Variants in SYNE1 observed in about 807,000 individuals in gnomAD.
The protein encoded by SYNE1 is nesprin-1.
SYNE1 carries 616 observed loss-of-function variants against 1,111.0 expected under a neutral mutation model. That is an observed-to-expected ratio of 0.55 (90% CI 0.52 to 0.59). The LOEUF (loss-of-function observed/expected upper bound fraction) is 0.59, where lower values mean the gene tolerates loss of function less well. Ranked by LOEUF, SYNE1 falls within the 20% of genes least tolerant of loss-of-function variation. The pLI is 0.00. For synonymous variants in SYNE1, 3,855 were observed against 3,825.8 expected (o/e 1.01, Z -0.28); for missense variants, 10,006 against 10,417.0 (o/e 0.96, Z 1.72).
In SYNE1 at chr6:152,208,992, C is replaced by A. The variant is rs2077035983; in HGVS notation, c.22590-786G>T. ...TGGCTTTAAAAAAATATAGGTAGTT[C>A]TTTATTACGTTTTATTTAATATTTA... On this transcript the variant is annotated intron_variant, in intron 124 of 145. Transcript: ENST00000367255. Among the ~76,000 whole-genome samples the A allele has an allele frequency of 2.0e-5, 3 of 152,002 alleles. 1 individual carries two copies. The South Asian group carries it at 6.2e-4, about 32-fold the overall frequency.
intron 44 of SYNE1, 108 bp downstream of exon 44, chr6:152,408,955 CAAAAA>C: frequency 3.5e-5 from 31 of 887,850 alleles, no homozygotes; most frequent in Admixed American, 5.8e-5. Context: ...ACTCTGTCTC[CAAAAA>C]AAAAAAAAAA....
chr6:152,124,963 C>G (rs1459765901), intron 145 of SYNE1, among the ~76,000 whole-genome samples: 1 of 152,124 alleles, frequency 6.6e-6, no homozygotes, highest in African/African-American at 2.4e-5. Context: ...CAGTCCTCTG[C>G]GGTGTGTACT....
At chr6:152,130,657 TGG>T (rs2055298205) in intron 145 of SYNE1, 61 bp downstream of exon 145, 4 of 1,581,878 alleles carry the variant, frequency 2.5e-6, no homozygotes, top group Non-Finnish European at 3.5e-6. Context: ...ACCTAAGTCA[TGG>T]ACAATTTTCA....
intron 3 of SYNE1, among the ~76,000 whole-genome samples, chr6:152,616,760 A>G (rs2099653160): frequency 6.6e-6 from 1 of 152,114 alleles, no homozygotes; most frequent in South Asian, 2.1e-4. Context: ...CCTCTTCTGC[A>G]ATGACCCTAA....
intron 98 of SYNE1, among the ~76,000 whole-genome samples, chr6:152,274,750 C>G (rs950611996): frequency 6.6e-6 from 1 of 152,108 alleles, no homozygotes; most frequent in African/African-American, 2.4e-5. Context: ...GTTCCCACCA[C>G]CACACCTGGC....
At chr6:152,166,791 T>G (rs17082273) in intron 130 of SYNE1, among the ~76,000 whole-genome samples, 14,221 of 152,286 alleles carry the variant, frequency 0.093, 853 homozygotes, top group South Asian at 0.15. Flanking sequence ...AATAGCAAAA[T>G]ACAGTGTGCA....
intron 6 of SYNE1, among the ~76,000 whole-genome samples, chr6:152,513,155 C>A (rs960264084): frequency 6.6e-6 from 1 of 152,094 alleles, no homozygotes; most frequent in Admixed American, 6.5e-5. Flanking sequence ...TGGACTAGAC[C>A]ATTGTACCTG....
intron 3 of SYNE1, among the ~76,000 whole-genome samples, chr6:152,611,119 T>A (rs61687760): frequency 0.01 from 1,568 of 152,296 alleles, 24 homozygotes; most frequent in African/African-American, 0.036. Context: ...AACATCATAA[T>A]GACATGATCA....
chr6:152,378,730 T>G (rs936332235), intron 56 of SYNE1, among the ~76,000 whole-genome samples: 2 of 152,142 alleles, frequency 1.3e-5, no homozygotes, highest in African/African-American at 4.8e-5. Flanking sequence ...TAACAACTCC[T>G]TTAAGTACCC....
chr6:152,622,912 A>G (rs1565254345), intron 3 of SYNE1, among the ~76,000 whole-genome samples: 1 of 152,064 alleles, frequency 6.6e-6, no homozygotes, highest in East Asian at 1.9e-4. Flanking sequence ...TTTTCTCCAC[A>G]AGCTCGCCAA....
rs764777256 is a variant in SYNE1 at position 152,428,363 on chromosome 6, GCTCAGTGACTCCAGGGCCTGGCAGA to G, written c.4793_4817del (p.Leu1598ProfsTer15). On this transcript the variant is annotated frameshift_variant, in exon 37 of 146. Transcript: ENST00000367255. LOFTEE classifies it high-confidence loss of function. ...TGGCTGAGAAGGCAGTGATCGCGCT[GCTCAGTGACTCCAGGGCCTGGCAGA>G]GATCCTAAGAAGAGTGCGAGAAGAA... The G allele has an allele frequency of 1.2e-6, 2 of 1,613,952 alleles. No individual in the cohort carries two copies. The highest frequency in any genetic ancestry group is 2.2e-5 in the South Asian group (2 of 91,070).
intron 136 of SYNE1, among the ~76,000 whole-genome samples, chr6:152,149,145 C>A (rs1274785447): frequency 6.6e-6 from 1 of 152,290 alleles, no homozygotes; most frequent in Non-Finnish European, 1.5e-5. Context: ...TTTCTGCGAT[C>A]AAAAGATTCT....
At chr6:152,167,289 T>C (rs145274940) in intron 130 of SYNE1, among the ~76,000 whole-genome samples, 8 of 152,314 alleles carry the variant, frequency 5.3e-5, no homozygotes, top group Admixed American at 3.3e-4. Context: ...TATATCTATA[T>C]ATATTGTATC....
intron 22 of SYNE1, chr6:152,456,673 C>T: frequency 2.2e-6 from 1 of 444,958 alleles, no homozygotes; most frequent in South Asian, 1.6e-5. Context: ...CTTACAGACA[C>T]CTCCACCTCT....
intron 131 of SYNE1, among the ~76,000 whole-genome samples, chr6:152,160,996 C>T (rs908238579): frequency 2.6e-5 from 4 of 151,310 alleles, no homozygotes; most frequent in Non-Finnish European, 5.9e-5. Context: ...TACGTGTAAT[C>T]TTCCACAAAG....
intron 139 of SYNE1, among the ~76,000 whole-genome samples, chr6:152,140,650 C>A (rs991345203): frequency 4.6e-5 from 7 of 151,646 alleles, no homozygotes; most frequent in Non-Finnish European, 1.0e-4. Context: ...GGCAACACAG[C>A]GAGACTTCAT....
At chr6:152,317,932 C>T in intron 86 of SYNE1, 149 bp downstream of exon 86, 1 of 1,026,732 alleles carries the variant, frequency 9.7e-7, no homozygotes, top group Non-Finnish European at 1.5e-6. Context: ...CTTAGGATCA[C>T]AAGTGTAGCA....
chr6:152,384,140 A>G (rs1234431611), intron 55 of SYNE1, among the ~76,000 whole-genome samples: 1 of 152,204 alleles, frequency 6.6e-6, no homozygotes, highest in Non-Finnish European at 1.5e-5. Flanking sequence ...ATTTTCATGT[A>G]TGTATTTTTT....
intron 3 of SYNE1, among the ~76,000 whole-genome samples, chr6:152,592,043 A>G (rs1402508426): frequency 1.3e-5 from 2 of 152,148 alleles, no homozygotes; most frequent in Admixed American, 6.5e-5. Context: ...GGCTCCAGAG[A>G]AAAGGGAATG....
Sources: allele counts gnomAD v4.1 joint callset (sites outside exome capture counted in the v4.1 genomes callset), GRCh38; gene constraint gnomAD v4.1.1; transcripts MANE v1.5; gene names NCBI Gene and HGNC (gene_info 2026-07-23, HGNC 2026-07-21).